Variants in CMIP observed in about 807,000 individuals in gnomAD.
CMIP encodes C-Maf-inducing protein.
In CMIP, 13 loss-of-function variants were observed where a neutral mutation model predicts 97.3. The observed-to-expected ratio is 0.13, with a 90% confidence interval of 0.09 to 0.21. CMIP has a LOEUF of 0.21. Ranked by LOEUF, CMIP falls within the 10% of genes least tolerant of loss-of-function variation. CMIP has a pLI of 1.00. For missense variants in CMIP, 847 were observed against 1,024.9 expected (o/e 0.83, Z 2.37); for synonymous variants, 538 against 436.3 (o/e 1.23, Z -2.91).
chr16:81,556,110 TTCTGAGTCCTGGGA>T (rs2090758244), intron 1 of CMIP, among the ~76,000 whole-genome samples: 1 of 152,178 alleles, frequency 6.6e-6, no homozygotes, highest in Non-Finnish European at 1.5e-5. Flanking sequence ...CTCTCAGAGT[TTCTGAGTCCTGGGA>T]ACTGAGGCCA....
rs780185667 is a variant in CMIP at position 81,678,278 on chromosome 16, C to A, written c.1038C>A (p.Arg346=). ...YSCYEEFINS[R]DNSPSLKEIR... The stretch of plus-strand genomic sequence containing the variant: ...CCTCTCCCGCCTCTTCCCCCAGCCG[C>A]GACAATTCCCCAAGCCTGAAGGAAA... The change falls in exon 10 of 21, where the codon CGC becomes CGA. Residue 346 remains arginine (R), a synonymous_variant. Coordinates refer to ENST00000537098, the MANE Select transcript of CMIP (RefSeq NM_198390.3). The A allele has an allele frequency of 1.9e-6, 3 of 1,589,502 alleles. No individual in the cohort carries two copies. Among genetic ancestry groups the A allele is most frequent in the South Asian group, 2.2e-5 (2 of 89,202 alleles).
chr16:81,483,289 C>A (rs1232513111), intron 1 of CMIP, among the ~76,000 whole-genome samples: 1 of 151,430 alleles, frequency 6.6e-6, no homozygotes, highest in African/African-American at 2.4e-5. Context: ...GAGCCATCCA[C>A]AGCATGTGCA....
chr16:81,636,306 G>T (rs528133167), intron 3 of CMIP, among the ~76,000 whole-genome samples: 1 of 152,262 alleles, frequency 6.6e-6, no homozygotes, highest in South Asian at 2.1e-4. Context: ...ATTCTGGCCC[G>T]GTGTGGTGGC....
At chr16:81,628,111 G>GA (rs1392853233) in intron 3 of CMIP, among the ~76,000 whole-genome samples, 1 of 152,130 alleles carries the variant, frequency 6.6e-6, no homozygotes, top group Non-Finnish European at 1.5e-5. Flanking sequence ...TAGAAGGGGG[G>GA]ATCCCTACAA....
chr16:81,699,295 C>G (rs1235638852), intron 14 of CMIP, among the ~76,000 whole-genome samples: 1 of 152,158 alleles, frequency 6.6e-6, no homozygotes, highest in Non-Finnish European at 1.5e-5. Flanking sequence ...TTGTTTAAAT[C>G]AAGAGACCTT....
intron 1 of CMIP, among the ~76,000 whole-genome samples, chr16:81,569,451 G>C (rs930314380): frequency 6.6e-6 from 1 of 152,208 alleles, no homozygotes; most frequent in Admixed American, 6.5e-5. Flanking sequence ...CTCTCCCAGA[G>C]GGACATGGCA....
chr16:81,691,886 A>G, intron 11 of CMIP, 46 bp downstream of exon 11: 3 of 1,519,920 alleles, frequency 2.0e-6, no homozygotes, highest in Non-Finnish European at 2.7e-6. Context: ...TGTGAGACAA[A>G]CCTCAGTTGT....
chr16:81,705,919 A>G (rs1274108932), intron 19 of CMIP, among the ~76,000 whole-genome samples: 2 of 152,204 alleles, frequency 1.3e-5, no homozygotes, highest in African/African-American at 2.4e-5. Flanking sequence ...GCTGTAGTAC[A>G]TTGCCACTGT....
chr16:81,631,094 A>G, intron 3 of CMIP: 1 of 152,382 alleles, frequency 6.6e-6, no homozygotes, highest in Non-Finnish European at 1.5e-5. Context: ...TGAAACTAAC[A>G]AGTGGCAGAG....
intron 1 of CMIP, among the ~76,000 whole-genome samples, chr16:81,583,826 C>G (rs1413464448): frequency 6.6e-6 from 1 of 152,138 alleles, no homozygotes; most frequent in Non-Finnish European, 1.5e-5. Context: ...GTAGGCAAAT[C>G]AGGGATATTC....
At chr16:81,600,399 TGTCA>T (rs1376968170) in intron 1 of CMIP, among the ~76,000 whole-genome samples, 1 of 151,982 alleles carries the variant, frequency 6.6e-6, no homozygotes, top group African/African-American at 2.4e-5. Flanking sequence ...TACAATGGAA[TGTCA>T]GTCAGCCATG....
chr16:81,585,879 A>G (rs1405670601), intron 1 of CMIP, among the ~76,000 whole-genome samples: 1 of 152,094 alleles, frequency 6.6e-6, no homozygotes, highest in Non-Finnish European at 1.5e-5. Context: ...ACTGCTCTGT[A>G]AGAGTTGCTG....
Position 81,459,938 on chromosome 16 carries a change from G to T in CMIP, c.300+14397G>T, listed in dbSNP as rs529412004. On this transcript the variant is annotated intron_variant, in intron 1 of 20. Coordinates refer to ENST00000537098, the MANE Select transcript of CMIP (RefSeq NM_198390.3). ...AGCCCTGCTGGGCTCACCTTTGAAT[G>T]CCACAAACCAAACCCATGGACCAAG... Among the ~76,000 whole-genome samples the T allele has an allele frequency of 2.0e-5, 3 of 152,296 alleles. No homozygotes were observed. The South Asian group carries it at 6.2e-4, about 32-fold the overall frequency.
intron 1 of CMIP, among the ~76,000 whole-genome samples, chr16:81,457,097 G>T (rs142216978): frequency 6.6e-6 from 1 of 152,220 alleles, no homozygotes; most frequent in Non-Finnish European, 1.5e-5. Flanking sequence ...GTCCCGCCCT[G>T]TCTGGCTTCT....
At chr16:81,705,961 G>T (rs1020859898) in intron 19 of CMIP, among the ~76,000 whole-genome samples, 4 of 152,192 alleles carry the variant, frequency 2.6e-5, no homozygotes, top group African/African-American at 9.6e-5. Context: ...AGCGTCTTCT[G>T]GGGGCTGGTC....
chr16:81,480,723 C>T (rs144759780), intron 1 of CMIP, among the ~76,000 whole-genome samples: 4 of 152,304 alleles, frequency 2.6e-5, no homozygotes, highest in Non-Finnish European at 4.4e-5. Flanking sequence ...GTATGCCAGG[C>T]ACTGATTCAC....
At chr16:81,459,036 C>CCGT in intron 1 of CMIP, among the ~76,000 whole-genome samples, 1 of 143,100 alleles carries the variant, frequency 7.0e-6, no homozygotes, top group Non-Finnish European at 1.6e-5. Context: ...GTCACCATCA[C>CCGT]CATCACCATC....
intron 1 of CMIP, among the ~76,000 whole-genome samples, chr16:81,568,270 T>G (rs1194656043): frequency 6.6e-6 from 1 of 152,060 alleles, no homozygotes; most frequent in Non-Finnish European, 1.5e-5. Context: ...CTGACCTCAG[T>G]GCGGTCAGTA....
chr16:81,683,282 C>T (rs2042269261), intron 10 of CMIP, among the ~76,000 whole-genome samples: 1 of 152,176 alleles, frequency 6.6e-6, no homozygotes. Context: ...GATTGGCTCC[C>T]GTCGACCGCT....
Sources: gnomAD v4.1 joint callset for allele counts (sites outside exome capture counted in the v4.1 genomes callset) on GRCh38, gnomAD v4.1.1 for gene constraint, MANE v1.5 for transcripts, NCBI Gene and HGNC (gene_info 2026-07-23, HGNC 2026-07-21) for gene names.